Variants in ERC1 observed in about 807,000 individuals in gnomAD.
ERC1 encodes RAB6 interacting protein 2.
A neutral mutation model predicts 132.0 loss-of-function variants in ERC1; 56 were observed. That is an observed-to-expected ratio of 0.42 (90% CI 0.34 to 0.53). The LOEUF is 0.53. Ranked by LOEUF, ERC1 falls within the 20% of genes least tolerant of loss-of-function variation. The probability of loss-of-function intolerance (pLI) is 0.03; values close to 1 mark genes in which losing one functional copy is unlikely to be tolerated. For missense variants in ERC1, 1,202 were observed against 1,349.9 expected, an observed-to-expected ratio of 0.89 and a Z score of 1.72; for synonymous variants, 478 against 476.1, an observed-to-expected ratio of 1.00 and a Z score of -0.05.
chr12:1,288,983 G>A (rs1293671655), intron 14 of ERC1, among the ~76,000 whole-genome samples: 3 of 147,806 alleles, frequency 2.0e-5, no homozygotes, highest in Non-Finnish European at 4.5e-5. Flanking sequence ...GTCTTCTCTG[G>A]TGGCTTTTTG....
At chr12:1,183,478 A>C in intron 11 of ERC1, 57 bp downstream of exon 11, 1 of 1,234,580 alleles carries the variant, frequency 8.1e-7, no homozygotes, top group Non-Finnish European at 1.1e-6. Flanking sequence ...CATAGTAGAT[A>C]ACCTTAGCAT....
chr12:1,473,229 A>G (rs1054123506), intron 18 of ERC1, among the ~76,000 whole-genome samples: 2 of 152,076 alleles, frequency 1.3e-5, no homozygotes, highest in East Asian at 1.9e-4. Context: ...GGGTTTCACC[A>G]TGTTGATCAG....
intron 1 of ERC1, among the ~76,000 whole-genome samples, chr12:1,013,232 G>C (rs555800256): frequency 1.3e-5 from 2 of 152,182 alleles, no homozygotes; most frequent in African/African-American, 4.8e-5. Context: ...CCTAGAACTT[G>C]ACTTGTTTCA....
In ERC1 at chr12:1,012,284, T is replaced by C. The variant is rs1592686425; in HGVS notation, c.-156-15464T>C. On this transcript the variant is annotated intron_variant, in intron 1 of 18. Transcript: ENST00000360905. Reference sequence around the variant, plus strand: ...AATACTTACTGGGTTCCTATAATTTTTCACTTAAACCCTTTTAAACTTATG... The same window carrying C: ...AATACTTACTGGGTTCCTATAATTTCTCACTTAAACCCTTTTAAACTTATG... Among the ~76,000 whole-genome samples the C allele has an allele frequency of 2.6e-5, 4 of 152,304 alleles. No homozygotes were observed. The South Asian group carries it at 8.3e-4, about 32-fold the overall frequency.
intron 8 of ERC1, among the ~76,000 whole-genome samples, chr12:1,166,463 G>A (rs1279723398): frequency 6.6e-6 from 1 of 152,188 alleles, no homozygotes; most frequent in African/African-American, 2.4e-5. Flanking sequence ...TCAGCAGCAT[G>A]AAAATGGACA....
At chr12:1,025,374 T>C (rs1251146002) in intron 1 of ERC1, among the ~76,000 whole-genome samples, 2 of 152,238 alleles carry the variant, frequency 1.3e-5, no homozygotes, top group African/African-American at 4.8e-5. Flanking sequence ...TGTTTACAGA[T>C]CATTATACTT....
chr12:1,450,275 C>T (rs992027047), intron 18 of ERC1, among the ~76,000 whole-genome samples: 1 of 152,202 alleles, frequency 6.6e-6, no homozygotes, highest in Non-Finnish European at 1.5e-5. Flanking sequence ...CTCTGTAGCT[C>T]TTTTCATCTT....
chr12:1,031,234 C>T (rs1444339071), intron 2 of ERC1, among the ~76,000 whole-genome samples: 2 of 152,126 alleles, frequency 1.3e-5, no homozygotes, highest in African/African-American at 4.8e-5. Context: ...TATTCCAGAT[C>T]CTCCCATCTA....
chr12:1,132,837 C>T (rs1375194855), intron 7 of ERC1, among the ~76,000 whole-genome samples: 1 of 150,686 alleles, frequency 6.6e-6, no homozygotes, highest in Non-Finnish European at 1.5e-5. Context: ...TTAGGACATA[C>T]AGGATAAAAT....
chr12:1,282,448 T>C (rs2078744528), intron 14 of ERC1, among the ~76,000 whole-genome samples: 2 of 152,262 alleles, frequency 1.3e-5, no homozygotes, highest in Non-Finnish European at 1.5e-5. Context: ...GTAATTATTA[T>C]TGCAATAACT....
chr12:1,173,646 TA>T (rs1011232903), intron 8 of ERC1, among the ~76,000 whole-genome samples: 32 of 152,314 alleles, frequency 2.1e-4, no homozygotes, highest in African/African-American at 7.0e-4. Context: ...GAATATTTTA[TA>T]AAAATGGCAT....
chr12:1,452,371 A>G (rs933812771), intron 18 of ERC1, among the ~76,000 whole-genome samples: 2 of 151,730 alleles, frequency 1.3e-5, no homozygotes, highest in Admixed American at 6.6e-5. Context: ...TATTCTCTTT[A>G]TCTTTAGTTT....
intron 15 of ERC1, among the ~76,000 whole-genome samples, chr12:1,324,049 T>C (rs969212866): frequency 6.6e-6 from 1 of 152,244 alleles, no homozygotes; most frequent in African/African-American, 2.4e-5. Flanking sequence ...CATATCTTGA[T>C]GTTCTTGAAC....
At chr12:1,147,444 T>C (rs1593707438) in intron 8 of ERC1, among the ~76,000 whole-genome samples, 1 of 152,224 alleles carries the variant, frequency 6.6e-6, no homozygotes, top group African/African-American at 2.4e-5. Flanking sequence ...GTAATAGACT[T>C]AATAGTTTCA....
intron 3 of ERC1, among the ~76,000 whole-genome samples, chr12:1,093,981 A>ATATATATATATATATATATATATATT (rs1555236298): frequency 7.6e-5 from 10 of 131,980 alleles, no homozygotes; most frequent in Admixed American, 1.6e-4. Context: ...ATATATATAT[A>ATATATATATATATATATATATATATT]TATAGAAAAA....
intron 7 of ERC1, among the ~76,000 whole-genome samples, chr12:1,121,053 C>T (rs144621222): frequency 7.2e-5 from 11 of 152,330 alleles, no homozygotes; most frequent in African/African-American, 2.6e-4. Context: ...ATGATAATAT[C>T]TAACCTGAGT....
chr12:1,236,797 G>A lies in ERC1; in HGVS notation c.2380G>A (p.Ala794Thr), dbSNP rs755290210. 14 of 1,613,872 alleles carry A rather than the reference G, an allele frequency of 8.7e-6. No homozygotes were observed. Among genetic ancestry groups the A allele is most frequent in the South Asian group, 4.4e-5 (4 of 91,042 alleles). The change falls in exon 13 of 19, where the codon GCA becomes ACA. Residue 794 changes from alanine to threonine, a missense_variant. Ala to Thr is a moderately conservative substitution (Grantham distance 58). Transcript: ENST00000360905. ...RQVKDQNKKV[A>T]NLKHKEQVEK... ...AGTGAAAGACCAGAATAAGAAGGTA[G>A]CAAATCTGAAGCACAAGGAACAGGT...
At chr12:1,244,168 GTAT>G (rs1219543164) in intron 13 of ERC1, among the ~76,000 whole-genome samples, 1 of 152,122 alleles carries the variant, frequency 6.6e-6, no homozygotes, top group African/African-American at 2.4e-5. Context: ...GAAGTATTCT[GTAT>G]TATTGTTAAT....
rs554876512 is a variant in ERC1, at chr12:1,401,060, C to T, written c.2926-7089C>T. Reference sequence around the variant, plus strand: ...ACGCCATTCTCCTGCCTCAGCCTCCCGAGTAGCTGGGACTACAGACGCCCA... The same window carrying T: ...ACGCCATTCTCCTGCCTCAGCCTCCTGAGTAGCTGGGACTACAGACGCCCA... On this transcript the variant is annotated intron_variant, in intron 16 of 18. Coordinates refer to ENST00000360905, the MANE Select transcript of ERC1 (RefSeq NM_178040.4). 4.9e-4 allele frequency among the ~76,000 whole-genome samples: 74 copies of T among 150,298 alleles called. 1 individual carries two copies. Among genetic ancestry groups the T allele is most frequent in the South Asian group, 2.1e-4 (1 of 4,760 alleles).
Sources: gnomAD v4.1 joint callset for allele counts (sites outside exome capture counted in the v4.1 genomes callset) on GRCh38, gnomAD v4.1.1 for gene constraint, MANE v1.5 for transcripts, NCBI Gene and HGNC (gene_info 2026-07-23, HGNC 2026-07-21) for gene names.